LHFPL6: variants seen among roughly 807,000 people sequenced by gnomAD.
LHFPL6 encodes the protein LHFPL tetraspan subfamily member 6, also known as LHFPL tetraspan subfamily member 6 protein.
LHFPL6 carries 9 observed loss-of-function variants against 20.6 expected under a neutral mutation model. That is an observed-to-expected ratio of 0.44 (90% CI 0.26 to 0.76). The LOEUF (loss-of-function observed/expected upper bound fraction) is 0.76. Ranked by LOEUF, LHFPL6 falls within the 30% of genes least tolerant of loss-of-function variation. The pLI is 0.20. For missense variants in LHFPL6, 218 were observed against 253.5 expected (o/e 0.86, Z 0.95); for synonymous variants, 105 against 98.7 (o/e 1.06, Z -0.38).
At chr13:39,461,299 C>T (rs1476844355) in intron 2 of LHFPL6, among the ~76,000 whole-genome samples, 1 of 152,064 alleles carries the variant, frequency 6.6e-6, no homozygotes, top group Non-Finnish European at 1.5e-5. Context: ...GATGAACACA[C>T]GTGTGCATGT....
intron 2 of LHFPL6, among the ~76,000 whole-genome samples, chr13:39,449,920 T>G (rs1299096700): frequency 5.3e-5 from 8 of 152,206 alleles, no homozygotes; most frequent in African/African-American, 1.9e-4. Context: ...TTCCCTGGCT[T>G]CTTCTTATAA....
At chr13:39,513,947 T>C (rs1000273164) in intron 2 of LHFPL6, among the ~76,000 whole-genome samples, 3 of 152,154 alleles carry the variant, frequency 2.0e-5, no homozygotes, top group Non-Finnish European at 4.4e-5. Flanking sequence ...AAAAAATTGA[T>C]GAGCCCATCC....
chr13:39,360,010 ATTTTGTTTTG>A (rs562549417), intron 3 of LHFPL6, among the ~76,000 whole-genome samples: 6 of 151,336 alleles, frequency 4.0e-5, no homozygotes, highest in East Asian at 3.9e-4. Context: ...AGGAGACAGG[ATTTTGTTTTG>A]TTTTGTTTTG....
At chr13:39,535,790 T>C (rs9566452) in intron 2 of LHFPL6, among the ~76,000 whole-genome samples, 14,605 of 152,258 alleles carry the variant, frequency 0.096, 858 homozygotes, top group East Asian at 0.29. Flanking sequence ...TCTGCTGTGA[T>C]TTTACCTCTT....
At chr13:39,422,866 C>T (rs1269827568) in intron 2 of LHFPL6, among the ~76,000 whole-genome samples, 1 of 152,032 alleles carries the variant, frequency 6.6e-6, no homozygotes, top group Non-Finnish European at 1.5e-5. Flanking sequence ...GGGGAGGCCT[C>T]AGGAAACTTA....
intron 2 of LHFPL6, among the ~76,000 whole-genome samples, chr13:39,554,790 A>G (rs1566139941): frequency 6.6e-6 from 1 of 151,912 alleles, no homozygotes; most frequent in Non-Finnish European, 1.5e-5. Flanking sequence ...TTTTCCCTGA[A>G]CACCTTGAAT....
Position 39,371,125 on chromosome 13 carries a change from C to T in LHFPL6, c.484+7303G>A, listed in dbSNP as rs532779023. The stretch of plus-strand genomic sequence containing the variant: ...TCTCATCTTTATCAACACTGGGAGG[C>T]TCTGAGTTTCCAGTTTACGGCACTG... On this transcript the variant is annotated intron_variant, in intron 3 of 3. Transcript: ENST00000379589. Among the ~76,000 whole-genome samples, 39 of 152,240 alleles carry T rather than the reference C, an allele frequency of 2.6e-4. 1 individual carries two copies. In the South Asian group the frequency reaches 7.5e-3, roughly 29 times the overall value.
intron 2 of LHFPL6, among the ~76,000 whole-genome samples, chr13:39,501,432 G>A (rs7982627): frequency 1.3e-5 from 2 of 151,896 alleles, no homozygotes; most frequent in South Asian, 2.1e-4. Context: ...TCTGCCTCCC[G>A]AATTCAATTA....
At chr13:39,352,337 T>C (rs917946043) in intron 3 of LHFPL6, among the ~76,000 whole-genome samples, 16 of 152,230 alleles carry the variant, frequency 1.1e-4, no homozygotes, top group African/African-American at 3.6e-4. Flanking sequence ...AGAGCTGCTG[T>C]CTGCCTATGA....
intron 2 of LHFPL6, among the ~76,000 whole-genome samples, chr13:39,461,343 G>T (rs1274522625): frequency 6.6e-6 from 1 of 152,108 alleles, no homozygotes; most frequent in Admixed American, 6.5e-5. Context: ...ATTCCTTTGG[G>T]TATATACGCA....
intron 2 of LHFPL6, among the ~76,000 whole-genome samples, chr13:39,583,692 T>A (rs945085662): frequency 1.3e-5 from 2 of 152,220 alleles, no homozygotes; most frequent in South Asian, 2.1e-4. Context: ...ACGGTTTGCC[T>A]AAATGAACAA....
chr13:39,589,878 T>C (rs980469423), intron 2 of LHFPL6, among the ~76,000 whole-genome samples: 8 of 152,336 alleles, frequency 5.3e-5, no homozygotes, highest in Non-Finnish European at 1.0e-4. Context: ...ACATTATTAA[T>C]ATTAACATGT....
At chr13:39,544,959 G>A (rs566787454) in intron 2 of LHFPL6, among the ~76,000 whole-genome samples, 1 of 151,950 alleles carries the variant, frequency 6.6e-6, no homozygotes, top group South Asian at 2.1e-4. Flanking sequence ...AGTGACCAAG[G>A]GGGCCGGGCA....
chr13:39,506,173 G>A (rs980869350), intron 2 of LHFPL6, among the ~76,000 whole-genome samples: 1 of 152,182 alleles, frequency 6.6e-6, no homozygotes, highest in African/African-American at 2.4e-5. Context: ...GGAACAATAT[G>A]ATTTCCAATA....
At chr13:39,370,015 T>C (rs896200754) in intron 3 of LHFPL6, among the ~76,000 whole-genome samples, 2 of 152,128 alleles carry the variant, frequency 1.3e-5, no homozygotes, top group African/African-American at 4.8e-5. Context: ...CCTACTGGAA[T>C]GGGCAGGTTG....
intron 2 of LHFPL6, among the ~76,000 whole-genome samples, chr13:39,384,504 C>T (rs1410675673): frequency 6.6e-6 from 1 of 152,194 alleles, no homozygotes; most frequent in Non-Finnish European, 1.5e-5. Context: ...TTGTTCATTT[C>T]CAGCAGTGTT....
chr13:39,578,232 T>C (rs1394960942), intron 2 of LHFPL6, among the ~76,000 whole-genome samples: 1 of 151,526 alleles, frequency 6.6e-6, no homozygotes, highest in Non-Finnish European at 1.5e-5. Flanking sequence ...CATCATGGAG[T>C]GATAGGACAA....
At chr13:39,473,067 G>A (rs925493096) in intron 2 of LHFPL6, among the ~76,000 whole-genome samples, 11 of 152,140 alleles carry the variant, frequency 7.2e-5, no homozygotes, top group African/African-American at 2.2e-4. Flanking sequence ...ATGTGTCTCC[G>A]GATAATGGAG....
At chr13:39,472,239 A>G (rs145240144) in intron 2 of LHFPL6, among the ~76,000 whole-genome samples, 1 of 152,314 alleles carries the variant, frequency 6.6e-6, no homozygotes, top group East Asian at 1.9e-4. Flanking sequence ...GAAAGGACTC[A>G]GACACTAACA....
Sources: gnomAD v4.1 joint callset for allele counts (sites outside exome capture counted in the v4.1 genomes callset) on GRCh38, gnomAD v4.1.1 for gene constraint, MANE v1.5 for transcripts, NCBI Gene and HGNC (gene_info 2026-07-23, HGNC 2026-07-21) for gene names.